Variants in SYN1 observed in about 807,000 individuals in gnomAD.
The protein encoded by SYN1 is synapsin-1.
SYN1 carries 8 observed loss-of-function variants against 44.6 expected under a neutral mutation model. That is an observed-to-expected ratio of 0.18 (90% CI 0.11 to 0.32). SYN1 has a LOEUF of 0.32. Among genes scored for constraint, SYN1 ranks in the 10% least tolerant of loss-of-function variants. SYN1 has a pLI of 1.00. For missense variants in SYN1, 451 were observed against 639.4 expected (o/e 0.71, Z 3.18); for synonymous variants, 275 against 280.1 (o/e 0.98, Z 0.18).
At chrX:47,615,082 G>A (rs2057927613) in intron 1 of SYN1, among the ~76,000 whole-genome samples, 1 of 111,393 alleles carries the variant, frequency 9.0e-6, no homozygotes, top group African/African-American at 3.3e-5. Context: ...GCCACAGTAA[G>A]AAATAAAGCT....
rs1205524356 is a variant in SYN1 at position 47,572,738 on chromosome X, G to T, written c.*126C>A. On this transcript the variant is annotated 3_prime_UTR_variant, in exon 13 of 13. Transcript: ENST00000295987. ...AAGGTACTCGGGGATCTTGAGGAAT[G>T]AGAGGTGGAATCTTGGAGAACCGGG... 2.0e-6 allele frequency: 2 copies of T among 1,017,097 alleles called. No individual in the cohort carries two copies. Among genetic ancestry groups the T allele is most frequent in the East Asian group, 6.3e-5 (2 of 31,932 alleles). The allele number at this position is 1,017,097 out of a possible 1,213,427, so 83.8% of individuals were successfully genotyped here.
In SYN1 at chrX:47,576,155, C is replaced by T. The variant is rs766021359; in HGVS notation, c.1134G>A (p.Lys378=). ...DICAVEALHG[K]DGRDHIIEVV... Reference sequence around the variant, plus strand: ...CCTCAATGATGTGATCCCTTCCGTCCTTGCCATGTAGCGCTTCCACTGCGC... The same window carrying T: ...CCTCAATGATGTGATCCCTTCCGTCTTTGCCATGTAGCGCTTCCACTGCGC... Residue 378 remains lysine, a synonymous_variant, in exon 9 of 13, where the codon AAG becomes AAA. Coordinates refer to ENST00000295987, the MANE Select transcript of SYN1 (RefSeq NM_006950.3). 8.3e-6 allele frequency: 10 copies of T among 1,203,808 alleles called. No homozygotes were observed. The South Asian group carries it at 1.3e-4, about 15-fold the overall frequency.
intron 5 of SYN1, among the ~76,000 whole-genome samples, chrX:47,584,108 C>T (rs184518352): frequency 9.0e-5 from 10 of 111,337 alleles, no homozygotes; most frequent in Admixed American, 7.6e-4. Context: ...GCTAAACCGA[C>T]GTAACAGGAT....
Position 47,576,573 on chromosome X carries a change from G to A in SYN1, c.905C>T (p.Ala302Val). ...ASVVALTKTYATAEPFIDAKY... is the reference protein window; with the variant it reads ...ASVVALTKTYVTAEPFIDAKY... Reference sequence around the variant, plus strand: ...GGCATCGATGAAGGGCTCGGCAGTGGCATACGTCTTGGTCAGTGCCACGAC... The same window carrying A: ...GGCATCGATGAAGGGCTCGGCAGTGACATACGTCTTGGTCAGTGCCACGAC... Residue 302 changes from alanine (A) to valine (V), a missense_variant, in exon 7 of 13, where the codon GCC becomes GTC. By Grantham distance (64) the Ala-to-Val change is moderately conservative. Coordinates refer to ENST00000295987, the MANE Select transcript of SYN1 (RefSeq NM_006950.3). 1 of 1,211,876 alleles carries A rather than the reference G, an allele frequency of 8.3e-7. No individual in the cohort carries two copies. Among genetic ancestry groups the A allele is most frequent in the South Asian group, 1.8e-5 (1 of 57,007 alleles).
intron 5 of SYN1, among the ~76,000 whole-genome samples, chrX:47,588,247 G>A (rs1051004916): frequency 8.9e-6 from 1 of 112,982 alleles, no homozygotes; most frequent in African/African-American, 3.2e-5. Context: ...CTTTGCTGAT[G>A]GGCACAACTG....
intron 5 of SYN1, among the ~76,000 whole-genome samples, chrX:47,580,185 C>CTTT (rs749909509): frequency 2.2e-5 from 2 of 88,920 alleles, no homozygotes; most frequent in Non-Finnish European, 2.3e-5. Context: ...TAGAACAGTG[C>CTTT]TTTTTTTTTT....
Position 47,603,907 on chromosome X carries a change from T to TATA in SYN1, c.774+1070_774+1071insTAT, listed in dbSNP as rs369551187. Among the ~76,000 whole-genome samples, 117 of 82,690 alleles carry TATA rather than the reference T, an allele frequency of 1.4e-3. 1 individual carries two copies. Among genetic ancestry groups the TATA allele is most frequent in the East Asian group, 2.3e-3 (6 of 2,555 alleles). 71.8% of individuals were successfully genotyped at this position (82,690 alleles called of 115,157 possible). On this transcript the variant is annotated intron_variant, in intron 5 of 12. Transcript: ENST00000295987. ...ATTAGTGATTATATATATATATATA[T>TATA]TTTTTTTTTTTTTTTTTGAGATGGA...
At chrX:47,602,790 T>C (rs1351778169) in intron 5 of SYN1, among the ~76,000 whole-genome samples, 3 of 112,205 alleles carry the variant, frequency 2.7e-5, no homozygotes, top group African/African-American at 6.5e-5. Flanking sequence ...AAGTTGATAG[T>C]GTTGGGTCAA....
intron 1 of SYN1, among the ~76,000 whole-genome samples, chrX:47,607,418 A>G (rs2057901187): frequency 8.9e-6 from 1 of 112,086 alleles, no homozygotes; most frequent in South Asian, 3.7e-4. Context: ...CAAACTGTAA[A>G]ATGTGGCCTT....
chrX:47,611,575 TG>T (rs1379331646), intron 1 of SYN1, among the ~76,000 whole-genome samples: 2 of 111,964 alleles, frequency 1.8e-5, no homozygotes, highest in Non-Finnish European at 3.8e-5. Context: ...TATTCATAGA[TG>T]GTCTTGCTGT....
At chrX:47,592,343 A>G (rs1455988477) in intron 5 of SYN1, among the ~76,000 whole-genome samples, 1 of 107,038 alleles carries the variant, frequency 9.3e-6, no homozygotes, top group Non-Finnish European at 1.9e-5. Context: ...GTCTCAAATA[A>G]ATAAATAAAT....
At chrX:47,597,775 T>C (rs2057868164) in intron 5 of SYN1, among the ~76,000 whole-genome samples, 1 of 111,679 alleles carries the variant, frequency 9.0e-6, no homozygotes, top group Non-Finnish European at 1.9e-5. Flanking sequence ...AGAGAGAATC[T>C]TGAAAGTAAG....
intron 1 of SYN1, among the ~76,000 whole-genome samples, chrX:47,607,666 G>A (rs2057901982): frequency 3.1e-5 from 3 of 98,152 alleles, no homozygotes; most frequent in East Asian, 6.5e-4. Flanking sequence ...ATTGCTTCAG[G>A]CCAAGGGTTG....
chrX:47,606,157 T>C (rs2057896249), intron 3 of SYN1, among the ~76,000 whole-genome samples: 1 of 111,498 alleles, frequency 9.0e-6, no homozygotes, highest in African/African-American at 3.3e-5. Context: ...CCTCCCAAAG[T>C]GCTGGGATTA....
chrX:47,600,627 T>C (rs1336761467), intron 5 of SYN1, among the ~76,000 whole-genome samples: 1 of 112,210 alleles, frequency 8.9e-6, no homozygotes, highest in Non-Finnish European at 1.9e-5. Flanking sequence ...GGACAGACTA[T>C]ATGTTAAGCC....
At chrX:47,598,851 TA>T (rs1283911487) in intron 5 of SYN1, among the ~76,000 whole-genome samples, 1 of 107,665 alleles carries the variant, frequency 9.3e-6, no homozygotes, top group African/African-American at 3.4e-5. Flanking sequence ...AATAAATAAA[TA>T]AAAAATAAAA....
At position 47,575,250 on chromosome X, in the gene SYN1, T is replaced by C. The variant is rs185229386; in HGVS notation, c.1183A>G (p.Ile395Val). 2 of 1,208,917 alleles carry C rather than the reference T, an allele frequency of 1.7e-6. No individual in the cohort carries two copies. Among genetic ancestry groups the C allele is most frequent in the Non-Finnish European group, 2.2e-6 (2 of 894,390 alleles). The change falls in exon 10 of 13, where the codon ATT becomes GTT. Residue 395 changes from isoleucine (I) to valine (V), a missense_variant. Transcript: ENST00000295987. Reference protein sequence around the residue: ...IEVVGSSMPLIGDHQDEDKQL... With the variant: ...IEVVGSSMPLVGDHQDEDKQL... Reference sequence around the variant, plus strand: ...TTGTCTTCATCCTGGTGGTCACCAATGAGCGGCATGGAGGAACCCACCACC... The same window carrying C: ...TTGTCTTCATCCTGGTGGTCACCAACGAGCGGCATGGAGGAACCCACCACC...
At chrX:47,594,484 A>T (rs2057857882) in intron 5 of SYN1, among the ~76,000 whole-genome samples, 1 of 107,834 alleles carries the variant, frequency 9.3e-6, no homozygotes, top group Admixed American at 9.9e-5. Flanking sequence ...CAGTGAGCCA[A>T]GACCACACCA....
rs192390390 is a variant in SYN1 at position 47,578,431 on chromosome X, G to A, written c.775-930C>T. Among the ~76,000 whole-genome samples the A allele has an allele frequency of 2.3e-4, 26 of 111,352 alleles. 1 individual carries two copies. In the East Asian group the frequency reaches 6.2e-3, roughly 27 times the overall value. ...GGTATTCACATCACCACTGGGACCCGTAAGAGACCCACGCCACATTCCTGG... is the reference window on the plus strand; with the variant it reads ...GGTATTCACATCACCACTGGGACCCATAAGAGACCCACGCCACATTCCTGG... On this transcript the variant is annotated intron_variant, in intron 5 of 12. Transcript: ENST00000295987.
Sources: gnomAD v4.1 joint callset for allele counts (sites outside exome capture counted in the v4.1 genomes callset) on GRCh38, gnomAD v4.1.1 for gene constraint, MANE v1.5 for transcripts, NCBI Gene and HGNC (gene_info 2026-07-23, HGNC 2026-07-21) for gene names.